The following TSC2 variants were observed in gnomAD, a reference collection of about 807,000 sequenced individuals.
TSC2 encodes the protein tuberin.
Under a neutral mutation model 202.2 loss-of-function variants are expected in TSC2, and 29 were observed. The observed-to-expected ratio is 0.14, with a 90% CI of 0.11 to 0.20. The LOEUF (loss-of-function observed/expected upper bound fraction) is 0.20, where lower values mean the gene tolerates loss of function less well. TSC2 is among the 10% of genes least tolerant of loss of function. The pLI, the probability that TSC2 is intolerant of heterozygous loss-of-function variation, is 1.00. For missense variants in TSC2, 2,429 were observed against 2,420.0 expected (o/e 1.00, Z -0.08); for synonymous variants, 1,349 against 1,044.0 (o/e 1.29, Z -5.63).
In TSC2 at chr16:2,060,262, G is replaced by T. The variant is rs1285780483; in HGVS notation, c.976-408G>T. Reference sequence around the variant, plus strand: ...TCCTGGTTTTATAGTGATGAGCTGCGGTGTGGGTCACAGGGCTCTCCTGAT... The same window carrying T: ...TCCTGGTTTTATAGTGATGAGCTGCTGTGTGGGTCACAGGGCTCTCCTGAT... On this transcript the variant is annotated intron_variant, in intron 10 of 41. Coordinates refer to ENST00000219476, the MANE Select transcript of TSC2 (RefSeq NM_000548.5). 2.0e-5 allele frequency among the ~76,000 whole-genome samples: 3 copies of T among 152,284 alleles called. No homozygotes were observed. In the East Asian group the frequency reaches 5.8e-4, roughly 29 times the overall value.
chr16:2,085,138 G>A, intron 35 of TSC2, 92 bp from the exon 36 acceptor site: 1 of 1,603,136 alleles, frequency 6.2e-7, no homozygotes, highest in Non-Finnish European at 8.5e-7. Context: ...TCTGGCCTAA[G>A]CTCCCTGTGG....
At chr16:2,067,277 G>C (rs565971584) in intron 16 of TSC2, among the ~76,000 whole-genome samples, 1 of 151,922 alleles carries the variant, frequency 6.6e-6, no homozygotes, top group Non-Finnish European at 1.5e-5. Flanking sequence ...TCCTGCCTCG[G>C]AGGCCTCCCA....
Position 2,053,829 on chromosome 16 carries a change from T to C in TSC2, c.336+377T>C, listed in dbSNP as rs79357051. 7.5e-3 allele frequency: 3,802 copies of C among 505,252 alleles called. 27 individuals carry two copies. Among genetic ancestry groups the C allele is most frequent in the Middle Eastern group, 0.045 (152 of 3,362 alleles). 31.3% of individuals were successfully genotyped at this position (505,252 alleles called of 1,614,324 possible). A position where few individuals can be genotyped will look rare whatever the true frequency, so the allele number is the denominator to read the frequency against. ...TCACTGCATTCCATCTGTGCTGGTC[T>C]TGGCTGACCCTGAACACCCAGGCCT... On this transcript the variant is annotated intron_variant, in intron 4 of 41. Coordinates refer to ENST00000219476, the MANE Select transcript of TSC2 (RefSeq NM_000548.5).
At chr16:2,049,715 A>G (rs1263477743) in intron 2 of TSC2, among the ~76,000 whole-genome samples, 1 of 150,706 alleles carries the variant, frequency 6.6e-6, no homozygotes. Flanking sequence ...AATTCCAGCT[A>G]CTCGGGGGGC....
rs778925833 is a variant in TSC2, at chr16:2,084,534, C to T, written c.4312C>T (p.Arg1438Trp). ...CTGGTCGGCCTCGGGCGAAGACAGTCGGGGCCAGCCCGAGGGTCCCTTGCC... is the reference window on the plus strand; with the variant it reads ...CTGGTCGGCCTCGGGCGAAGACAGTTGGGGCCAGCCCGAGGGTCCCTTGCC... The part of the protein sequence containing the change: ...AAWSASGEDS[R>W]GQPEGPLPSS... Residue 1438 changes from arginine (R) to tryptophan (W), a missense_variant, in exon 34 of 42, where the codon CGG becomes TGG. Transcript: ENST00000219476. The T allele has an allele frequency of 8.7e-6, 14 of 1,609,090 alleles. No homozygotes were observed. Among genetic ancestry groups the T allele is most frequent in the South Asian group, 7.7e-5 (7 of 90,818 alleles).
rs142285430 is a variant in TSC2, at chr16:2,088,881, G to GCGCGCACACACA, written c.*272_*273insGCGCACACACAC. 10 of 421,378 alleles carry GCGCGCACACACA rather than the reference G, an allele frequency of 2.4e-5. No individual in the cohort carries two copies. The highest frequency in any genetic ancestry group is 1.6e-4 in the African/African-American group (7 of 44,578). 26.1% of individuals were successfully genotyped at this position (421,378 alleles called of 1,614,324 possible). The stretch of plus-strand genomic sequence containing the variant: ...ACAGCACACTCGCGCGTGCGCGCGC[G>GCGCGCACACACA]CACACACACACACACACAGTCACCT... On this transcript the variant is annotated 3_prime_UTR_variant, in exon 42 of 42. Coordinates refer to ENST00000219476, the MANE Select transcript of TSC2 (RefSeq NM_000548.5).
chr16:2,065,630 C>A lies in TSC2; in HGVS notation c.1711C>A (p.Leu571Ile). 1 of 1,613,550 alleles carries A rather than the reference C, an allele frequency of 6.2e-7. No homozygotes were observed. The highest frequency in any genetic ancestry group is 1.1e-5 in the South Asian group (1 of 91,086). The change falls in exon 16 of 42, where the codon CTT (leucine) becomes ATT (isoleucine). Residue 571 changes from leucine to isoleucine, a missense_variant. Leu to Ile is a conservative substitution (Grantham distance 5, BLOSUM62 2). Coordinates refer to ENST00000219476, the MANE Select transcript of TSC2 (RefSeq NM_000548.5). ...AGCCGTCCTGGGGCTTCTGGTCATC[C>A]TTCAGGTGGGTGTTCTGCACGAGGC... is the stretch of plus-strand genomic sequence containing the variant. The part of the protein sequence containing the change: ...KTAVLGLLVI[L>I]QTKLYTLPAS...
intron 3 of TSC2, among the ~76,000 whole-genome samples, chr16:2,052,016 G>C (rs2085186730): frequency 6.6e-6 from 1 of 152,194 alleles, no homozygotes; most frequent in Non-Finnish European, 1.5e-5. Flanking sequence ...GGTGAGCTGA[G>C]ATTGTGCCAT....
In TSC2 at chr16:2,079,245, C is replaced by T. The variant is rs2089816432; in HGVS notation, c.3132-31C>T. On this transcript the variant is annotated intron_variant, in intron 27 of 41. Transcript: ENST00000219476. This position sits in a 1 kb window ranked among gnomAD's most constrained non-coding sequence, Gnocchi z 4.6. Reference sequence around the variant, plus strand: ...GGCGGGCCTGCGGGAGCTCCACGGGCAAGCTGGGTTTCACGCTCCCTGTCT... The same window carrying T: ...GGCGGGCCTGCGGGAGCTCCACGGGTAAGCTGGGTTTCACGCTCCCTGTCT... 3 of 1,612,828 alleles carry T rather than the reference C, an allele frequency of 1.9e-6. No individual in the cohort carries two copies. The highest frequency in any genetic ancestry group is 2.5e-6 in the Non-Finnish European group (3 of 1,180,032).
intron 21 of TSC2, among the ~76,000 whole-genome samples, chr16:2,073,413 G>A (rs759913436): frequency 4.6e-5 from 7 of 152,224 alleles, no homozygotes; most frequent in Admixed American, 6.5e-5. Flanking sequence ...CCTCGCCCCC[G>A]TCCCAGTCGC....
At position 2,084,423 on chromosome 16, in the gene TSC2, C is replaced by T. The variant is rs778147657; in HGVS notation, c.4201C>T (p.Pro1401Ser). 21 of 1,611,210 alleles carry T rather than the reference C, an allele frequency of 1.3e-5. No individual in the cohort carries two copies. Among genetic ancestry groups the T allele is most frequent in the Non-Finnish European group, 1.7e-5 (20 of 1,179,464 alleles). ...GACTCTGCAGGACATCCTCGGGGAC[C>T]CTGGGGACAAGGCCGACGTGGGCCG... ...LQTLQDILGD[P>S]GDKADVGRLS... is the part of the protein sequence containing the mutation. Residue 1401 changes from proline to serine, a missense_variant, in exon 34 of 42, where the codon CCT (proline) becomes TCT (serine). Pro to Ser is a moderately conservative substitution (Grantham distance 74, BLOSUM62 -1). Coordinates refer to ENST00000219476, the MANE Select transcript of TSC2 (RefSeq NM_000548.5).
chr16:2,086,456 C>A lies in TSC2; in HGVS notation c.4849+77C>A, dbSNP rs866506275. 3.2e-6 allele frequency: 5 copies of A among 1,554,992 alleles called. No homozygotes were observed. In the African/African-American group the frequency reaches 5.5e-5, roughly 17 times the overall value. ...TCCCATCCAGTCCTGCTACCCCACG[C>A]CCTGGGGCATGGCCCTGGCACCCCC... On this transcript the variant is annotated intron_variant, in intron 37 of 41. Coordinates refer to ENST00000219476, the MANE Select transcript of TSC2 (RefSeq NM_000548.5).
chr16:2,065,723 C>T (rs569951155), intron 16 of TSC2, 88 bp downstream of exon 16: 2 of 1,176,044 alleles, frequency 1.7e-6, no homozygotes, highest in African/African-American at 1.5e-5. Flanking sequence ...AGTCTGTTCC[C>T]CAGCGGGACC....
Position 2,089,486 on chromosome 16 carries a change from T to C in TSC2, c.*876T>C. ...GGAAATAAATTAGCATCTCAGAGGC[T>C]AGAAACCGTCCAATACTGCTGTGTC... On this transcript the variant is annotated 3_prime_UTR_variant, in exon 42 of 42. Transcript: ENST00000219476. 1 of 578,742 alleles carries C rather than the reference T, an allele frequency of 1.7e-6. No individual in the cohort carries two copies. The highest frequency in any genetic ancestry group is 3.1e-6 in the Non-Finnish European group (1 of 325,146). 35.9% of individuals were successfully genotyped at this position (578,742 alleles called of 1,614,324 possible). A position where few individuals can be genotyped will look rare whatever the true frequency, so the allele number is the denominator to read the frequency against.
At chr16:2,054,815 C>G (rs560824624) in intron 5 of TSC2, 71 of 371,338 alleles carry the variant, frequency 1.9e-4, no homozygotes, top group African/African-American at 1.3e-3. Flanking sequence ...GGACCTTCCT[C>G]CTGCCATCCT....
intron 9 of TSC2, among the ~76,000 whole-genome samples, chr16:2,058,360 A>G (rs1284129475): frequency 6.6e-6 from 1 of 151,666 alleles, no homozygotes; most frequent in African/African-American, 2.4e-5. Context: ...TGACTCCCCC[A>G]CCTCCCTGAG....
rs2091248537 is a variant in TSC2, at chr16:2,088,747, G to C, written c.*137G>C. 1 of 1,262,094 alleles carries C rather than the reference G, an allele frequency of 7.9e-7. No homozygotes were observed. 78.2% of individuals were successfully genotyped at this position (1,262,094 alleles called of 1,614,324 possible). ...CTCTTTTATTGACTTTGTCTGCTTGGTGCGGGGGTTGGGGGGGTGTCGAGG... is the reference window on the plus strand; with the variant it reads ...CTCTTTTATTGACTTTGTCTGCTTGCTGCGGGGGTTGGGGGGGTGTCGAGG... On this transcript the variant is annotated 3_prime_UTR_variant, in exon 42 of 42. Coordinates refer to ENST00000219476, the MANE Select transcript of TSC2 (RefSeq NM_000548.5).
Position 2,074,320 on chromosome 16 carries a change from C to A in TSC2, c.2476C>A (p.Leu826Met), listed in dbSNP as rs45517238. The A allele has an allele frequency of 1.4e-3, 2,182 of 1,613,066 alleles. No homozygotes were observed. Among genetic ancestry groups the A allele is most frequent in the Non-Finnish European group, 1.7e-3 (2,050 of 1,180,042 alleles). The change falls in exon 22 of 42, where the codon CTG (leucine) becomes ATG (methionine). Residue 826 changes from leucine (L) to methionine (M), a missense_variant. By Grantham distance (15) the Leu-to-Met change is conservative. Transcript: ENST00000219476. ...PDIIIKALPVLVVKLTHISAT... is the reference protein window; with the variant it reads ...PDIIIKALPVMVVKLTHISAT... Reference sequence around the variant, plus strand: ...CATCATCATCAAGGCGCTGCCTGTTCTGGTGGTGAAGCTCACGCACATCTC... The same window carrying A: ...CATCATCATCAAGGCGCTGCCTGTTATGGTGGTGAAGCTCACGCACATCTC...
chr16:2,055,350 G>A, intron 5 of TSC2, 52 bp from the exon 6 acceptor site: 1 of 1,419,088 alleles, frequency 7.0e-7, no homozygotes, highest in South Asian at 1.1e-5. Flanking sequence ...GGGGAGGTGA[G>A]TGGGAGATGT....
Sources: allele counts gnomAD v4.1 joint callset (sites outside exome capture counted in the v4.1 genomes callset), GRCh38; gene constraint gnomAD v4.1.1; non-coding constraint Gnocchi (gnomAD v3.1); transcripts MANE v1.5; gene names NCBI Gene and HGNC (gene_info 2026-07-23, HGNC 2026-07-21).